Variants in FRMD7 observed in about 807,000 individuals in gnomAD.
FRMD7 encodes the protein FERM domain-containing protein 7.
FRMD7 carries 14 observed loss-of-function variants against 44.1 expected under a neutral mutation model. The observed-to-expected ratio is 0.32, with a 90% confidence interval of 0.21 to 0.50. The LOEUF (loss-of-function observed/expected upper bound fraction) is 0.50. FRMD7 is among the 20% of genes least tolerant of loss of function. The probability of loss-of-function intolerance (pLI) is 0.99; values close to 1 mark genes in which losing one functional copy is unlikely to be tolerated. For synonymous variants in FRMD7, 212 were observed against 187.4 expected, an observed-to-expected ratio of 1.13 and a Z score of -1.07; for missense variants, 501 against 522.3, an observed-to-expected ratio of 0.96 and a Z score of 0.40.
chrX:132,109,053 T>G (rs1231394712), intron 1 of FRMD7, among the ~76,000 whole-genome samples: 1 of 112,150 alleles, frequency 8.9e-6, no homozygotes, highest in African/African-American at 3.2e-5. Flanking sequence ...AGGGGTCTAT[T>G]TTGACAAGGG....
intron 1 of FRMD7, among the ~76,000 whole-genome samples, chrX:132,102,529 A>G (rs5933076): frequency 0.083 from 9,231 of 111,699 alleles, 357 homozygotes; most frequent in Non-Finnish European, 0.11. Flanking sequence ...CCTGTGTGGC[A>G]ACCTTGCCTA....
chrX:132,100,698 C>A lies in FRMD7; in HGVS notation c.76G>T (p.Ala26Ser). Residue 26 changes from alanine to serine, a missense_variant, in exon 2 of 12, where the codon GCA (alanine) becomes TCA (serine). Coordinates refer to ENST00000298542, the MANE Select transcript of FRMD7 (RefSeq NM_194277.3). Reference protein sequence around the residue: ...FVVDQKSSGKALFNLSCSHLN... With the variant: ...FVVDQKSSGKSLFNLSCSHLN... Reference sequence around the variant, plus strand: ...TGGCTGCAACTCAGGTTAAACAATGCCTTCCCGGATGACTTTTGCTAAACA... The same window carrying A: ...TGGCTGCAACTCAGGTTAAACAATGACTTCCCGGATGACTTTTGCTAAACA... The A allele has an allele frequency of 2.5e-6, 3 of 1,201,422 alleles. No individual in the cohort carries two copies. The highest frequency in any genetic ancestry group is 3.4e-6 in the Non-Finnish European group (3 of 886,369).
intron 1 of FRMD7, among the ~76,000 whole-genome samples, chrX:132,118,730 C>T (rs1168400416): frequency 9.0e-6 from 1 of 111,373 alleles, no homozygotes; most frequent in Non-Finnish European, 1.9e-5. Context: ...CCTGTCTCAG[C>T]CCTCAGTCTC....
At chrX:132,083,146 G>A (rs911643993) in intron 8 of FRMD7, among the ~76,000 whole-genome samples, 1 of 111,047 alleles carries the variant, frequency 9.0e-6, no homozygotes, top group African/African-American at 3.3e-5. Flanking sequence ...TGTTGAGATG[G>A]GATCTTGCTA....
chrX:132,097,690 T>C (rs887487841), intron 3 of FRMD7, among the ~76,000 whole-genome samples: 5 of 111,823 alleles, frequency 4.5e-5, no homozygotes, highest in African/African-American at 1.3e-4. Context: ...TAGTTGGGAT[T>C]CTGCATTCCT....
intron 7 of FRMD7, among the ~76,000 whole-genome samples, chrX:132,084,960 G>A (rs1388740075): frequency 9.0e-6 from 1 of 111,465 alleles, no homozygotes; most frequent in Non-Finnish European, 1.9e-5. Context: ...ACCTTCAATA[G>A]CTCCTCACTG....
chrX:132,077,785 C>A lies in FRMD7; in HGVS notation c.*87G>T. ...CTTAATACCAATGAATATGTAGTAA[C>A]CAAGAAAATGGTTTCTACAACTTCA... On this transcript the variant is annotated 3_prime_UTR_variant, in exon 12 of 12. Coordinates refer to ENST00000298542, the MANE Select transcript of FRMD7 (RefSeq NM_194277.3). 3.4e-6 allele frequency: 4 copies of A among 1,182,953 alleles called. No individual in the cohort carries two copies. The highest frequency in any genetic ancestry group is 4.6e-6 in the Non-Finnish European group (4 of 876,686).
chrX:132,103,289 TTC>T (rs779660683), intron 1 of FRMD7, among the ~76,000 whole-genome samples: 30 of 112,016 alleles, frequency 2.7e-4, no homozygotes, highest in African/African-American at 7.8e-4. Context: ...GCTTCCTGTT[TTC>T]TCTTTCTCTT....
rs140765085 is a variant in FRMD7 at position 132,085,647 on chromosome X, G to A, written c.579C>T (p.Pro193=). 285 of 1,206,734 alleles carry A rather than the reference G, an allele frequency of 2.4e-4. No individual in the cohort carries two copies. The highest frequency in any genetic ancestry group is 3.0e-4 in the Non-Finnish European group (272 of 892,127). Residue 193 remains proline (P), a synonymous_variant, in exon 7 of 12, where the codon CCC becomes CCT. Transcript: ENST00000298542. ...TCTGCATCCCTTCACCATCACTGGC[G>A]GGGTGAGGCCTGATGCCATACATAT... The part of the protein sequence containing the change: ...KLDMYGIRPH[P]ASDGEGMQIH...
chrX:132,081,381 A>G (rs1444005851), intron 9 of FRMD7, among the ~76,000 whole-genome samples: 1 of 112,614 alleles, frequency 8.9e-6, no homozygotes, highest in African/African-American at 3.2e-5. Context: ...AAACACAAGA[A>G]TAATAAAGTC....
intron 1 of FRMD7, among the ~76,000 whole-genome samples, chrX:132,100,976 T>C (rs1174434045): frequency 8.9e-6 from 1 of 112,090 alleles, no homozygotes; most frequent in Non-Finnish European, 1.9e-5. Context: ...TAACTATGGC[T>C]ACATCTGCAA....
chrX:132,108,939 AT>A (rs1366878122), intron 1 of FRMD7, among the ~76,000 whole-genome samples: 1 of 111,731 alleles, frequency 9.0e-6, no homozygotes, highest in Non-Finnish European at 1.9e-5. Context: ...GGAACTGTGA[AT>A]CATTAAAGCT....
At chrX:132,090,840 C>CT (rs933952478) in intron 5 of FRMD7, among the ~76,000 whole-genome samples, 7 of 110,930 alleles carry the variant, frequency 6.3e-5, no homozygotes, top group African/African-American at 2.0e-4. Context: ...TAAGACTGTG[C>CT]TTTTTTTTCT....
chrX:132,081,777 T>TA (rs398122261), intron 9 of FRMD7, among the ~76,000 whole-genome samples: 2 of 112,255 alleles, frequency 1.8e-5, no homozygotes, highest in Non-Finnish European at 3.8e-5. Context: ...TCTTTTTTTT[T>TA]ATTTTATTAT....
rs1427816187 is a variant in FRMD7 at position 132,078,071 on chromosome X, T to C, written c.1946A>G (p.Glu649Gly). ...QSTAERYVASESSDSESEILK... is the reference protein window; with the variant it reads ...QSTAERYVASGSSDSESEILK... ...AATCTCTGATTCAGAATCACTGGAT[T>C]CACTAGCTACATACCTTTCTGCTGT... Residue 649 changes from glutamate (E) to glycine (G), a missense_variant, in exon 12 of 12, where the codon GAA (glutamate) becomes GGA (glycine). Transcript: ENST00000298542. 2 of 1,209,761 alleles carry C rather than the reference T, an allele frequency of 1.7e-6. No homozygotes were observed. The highest frequency in any genetic ancestry group is 2.2e-6 in the Non-Finnish European group (2 of 895,018).
chrX:132,119,489 T>A (rs897267270), intron 1 of FRMD7, among the ~76,000 whole-genome samples: 20 of 111,499 alleles, frequency 1.8e-4, no homozygotes, highest in African/African-American at 6.5e-4. Flanking sequence ...TTAAGACAAC[T>A]AAGCCCAGCG....
At chrX:132,104,790 A>C (rs1928603004) in intron 1 of FRMD7, among the ~76,000 whole-genome samples, 1 of 112,583 alleles carries the variant, frequency 8.9e-6, no homozygotes, top group African/African-American at 3.2e-5. Flanking sequence ...CTCAAATACA[A>C]TTGTACACTT....
At position 132,127,946 on chromosome X, in the gene FRMD7, C is replaced by A; in HGVS notation, c.-102G>T. On this transcript the variant is annotated 5_prime_UTR_variant, in exon 1 of 12. Coordinates refer to ENST00000298542, the MANE Select transcript of FRMD7 (RefSeq NM_194277.3). ...GATGTGGTGCACTCGGGCCCCCCCA[C>A]CCCCAGCCAGGCATTCCCACTGTCA... The A allele has an allele frequency of 1.6e-5, 11 of 684,540 alleles. No individual in the cohort carries two copies. Among genetic ancestry groups the A allele is most frequent in the Non-Finnish European group, 2.4e-5 (10 of 418,432 alleles). The allele number at this position is 684,540 out of a possible 1,213,427, so 56.4% of individuals were successfully genotyped here.
intron 1 of FRMD7, among the ~76,000 whole-genome samples, chrX:132,116,458 CCCA>C: frequency 8.9e-6 from 1 of 112,049 alleles, no homozygotes; most frequent in Admixed American, 9.5e-5. Flanking sequence ...TCTTACAAGG[CCCA>C]CTTCACCAGC....
Sources: gnomAD v4.1 joint callset for allele counts (sites outside exome capture counted in the v4.1 genomes callset) on GRCh38, gnomAD v4.1.1 for gene constraint, MANE v1.5 for transcripts, NCBI Gene and HGNC (gene_info 2026-07-23, HGNC 2026-07-21) for gene names.